Variants in CSMD2 observed in about 807,000 individuals in gnomAD.
CSMD2 encodes the protein CUB and Sushi multiple domains 2.
CSMD2 carries 130 observed loss-of-function variants against 398.5 expected under a neutral mutation model. That is an observed-to-expected ratio of 0.33 (90% CI 0.28 to 0.38). The LOEUF (loss-of-function observed/expected upper bound fraction) is 0.38. CSMD2 is among the 10% of genes least tolerant of loss of function. The pLI is 1.00. For missense variants in CSMD2, 3,829 were observed against 4,764.9 expected, an observed-to-expected ratio of 0.80 and a Z score of 5.78; for synonymous variants, 1,828 against 1,908.5, an observed-to-expected ratio of 0.96 and a Z score of 1.10.
At chr1:33,747,369 T>C (rs1647530755) in intron 13 of CSMD2, among the ~76,000 whole-genome samples, 1 of 152,242 alleles carries the variant, frequency 6.6e-6, no homozygotes, top group Admixed American at 6.5e-5. Flanking sequence ...AGAGTAAAGT[T>C]GGAGCAAGGA....
At chr1:33,838,473 C>T (rs1296928029) in intron 6 of CSMD2, 3 of 152,192 alleles carry the variant, frequency 2.0e-5, no homozygotes, top group African/African-American at 7.2e-5. Flanking sequence ...TCTGCCCCTC[C>T]CTTGTAGCTG....
At chr1:33,731,189 T>C (rs538359826) in intron 15 of CSMD2, among the ~76,000 whole-genome samples, 21 of 152,236 alleles carry the variant, frequency 1.4e-4, no homozygotes, top group Non-Finnish European at 2.6e-4. Context: ...AACTCATTAA[T>C]ACAAAAACCG....
intron 15 of CSMD2, among the ~76,000 whole-genome samples, 168 bp downstream of exon 15, chr1:33,738,972 T>C (rs563690483): frequency 2.6e-4 from 40 of 152,282 alleles, no homozygotes; most frequent in African/African-American, 9.4e-4. Context: ...CACAGTGGCC[T>C]TATGAAGCCC....
At chr1:33,775,179 A>G (rs1349878265) in intron 12 of CSMD2, among the ~76,000 whole-genome samples, 2 of 152,194 alleles carry the variant, frequency 1.3e-5, no homozygotes, top group South Asian at 2.1e-4. Flanking sequence ...CTAGAAAATT[A>G]CAATTAATGC....
At chr1:34,010,657 A>C (rs1007654519) in intron 3 of CSMD2, among the ~76,000 whole-genome samples, 4 of 150,412 alleles carry the variant, frequency 2.7e-5, no homozygotes, top group Admixed American at 1.3e-4. Context: ...CTCGCTCTGT[A>C]ACCCAGGTTG....
intron 5 of CSMD2, among the ~76,000 whole-genome samples, chr1:33,875,032 G>C (rs1640741781): frequency 6.6e-6 from 1 of 152,150 alleles, no homozygotes. Context: ...CCAGGAAGTG[G>C]GAAAGGGCCG....
chr1:33,807,248 A>G (rs1656335409), intron 10 of CSMD2, among the ~76,000 whole-genome samples: 1 of 152,186 alleles, frequency 6.6e-6, no homozygotes, highest in Non-Finnish European at 1.5e-5. Context: ...TCTTTCAAGA[A>G]CAAGGGTAAG....
chr1:33,883,254 C>T lies in CSMD2; in HGVS notation c.920+34840G>A, dbSNP rs188336879. 2.0e-4 allele frequency among the ~76,000 whole-genome samples: 30 copies of T among 152,280 alleles called. No homozygotes were observed. The East Asian group carries it at 4.1e-3, about 21-fold the overall frequency. On this transcript the variant is annotated intron_variant, in intron 5 of 70. Coordinates refer to ENST00000373381, the MANE Select transcript of CSMD2 (RefSeq NM_001281956.2). ...ATATATTGGTATATGTCTTAGGCTG[C>T]GGAGTAAAAAAGACCTGGGCTTCCA... is the stretch of plus-strand genomic sequence containing the variant.
intron 56 of CSMD2, 31 bp downstream of exon 56, chr1:33,550,146 G>A (rs2148626973): frequency 6.3e-7 from 1 of 1,599,992 alleles, no homozygotes; most frequent in Non-Finnish European, 8.5e-7. Flanking sequence ...GCATTCCACT[G>A]GAGCTCTTTC....
intron 32 of CSMD2, among the ~76,000 whole-genome samples, chr1:33,630,748 AG>A (rs1446562049): frequency 1.3e-5 from 2 of 152,206 alleles, no homozygotes; most frequent in African/African-American, 4.8e-5. Flanking sequence ...TTAACACAAA[AG>A]TTTAATGCAA....
Position 33,537,710 on chromosome 1 carries a change from G to A in CSMD2, c.9632-101C>T. ...TTGTTCTTTGCACTGCTCCCTTCCT[G>A]GTTGAGCTTGAACTCTGGGAACCGG... On this transcript the variant is annotated intron_variant, in intron 60 of 70. Coordinates refer to ENST00000373381, the MANE Select transcript of CSMD2 (RefSeq NM_001281956.2). This position sits in a 1 kb window ranked among gnomAD's most constrained non-coding sequence, Gnocchi z 4.6. The A allele has an allele frequency of 1.6e-6, 2 of 1,285,970 alleles. No homozygotes were observed. Among genetic ancestry groups the A allele is most frequent in the Admixed American group, 5.6e-5 (2 of 36,022 alleles). The allele number at this position is 1,285,970 out of a possible 1,614,324, so 79.7% of individuals were successfully genotyped here.
chr1:34,120,061 C>T (rs1662012174), intron 1 of CSMD2, among the ~76,000 whole-genome samples: 1 of 152,230 alleles, frequency 6.6e-6, no homozygotes, highest in African/African-American at 2.4e-5. Flanking sequence ...GTATGTGGTA[C>T]ATACATACAA....
chr1:33,716,212 CAG>C, intron 20 of CSMD2, 72 bp downstream of exon 20: 1 of 1,284,318 alleles, frequency 7.8e-7, no homozygotes, highest in South Asian at 1.2e-5. Context: ...CTAGGAAAAC[CAG>C]AGACTGGTAG....
chr1:33,723,111 T>C (rs146887822), intron 19 of CSMD2, among the ~76,000 whole-genome samples: 2 of 152,382 alleles, frequency 1.3e-5, no homozygotes, highest in African/African-American at 2.4e-5. Flanking sequence ...GTCTTATTTG[T>C]ATGTCCACTC....
chr1:33,615,601 C>G (rs1641331941), intron 39 of CSMD2, among the ~76,000 whole-genome samples: 2 of 152,320 alleles, frequency 1.3e-5, no homozygotes, highest in East Asian at 3.9e-4. Flanking sequence ...CAGCACCCTT[C>G]TAATGGGGTT....
At chr1:33,804,868 T>C (rs1318680553) in intron 10 of CSMD2, 3 of 717,318 alleles carry the variant, frequency 4.2e-6, no homozygotes, top group Non-Finnish European at 7.8e-6. Context: ...CCCTCCTTGT[T>C]GCATTGTATG....
chr1:34,016,571 CAT>C (rs1252402227), intron 3 of CSMD2, among the ~76,000 whole-genome samples: 1 of 152,056 alleles, frequency 6.6e-6, no homozygotes, highest in African/African-American at 2.4e-5. Context: ...CCAGAAACAC[CAT>C]TTGACCCAGC....
rs192844667 is a variant in CSMD2 at position 33,761,456 on chromosome 1, A to G, written c.1846+11113T>C. ...TTAATCTGGTCAGCCAGACACAGGT[A>G]TTAGCTAGGAAAAAAGTATCTTGGC... On this transcript the variant is annotated intron_variant, in intron 13 of 70. Transcript: ENST00000373381. Among the ~76,000 whole-genome samples the G allele has an allele frequency of 8.4e-4, 128 of 152,326 alleles. No homozygotes were observed. In the East Asian group the frequency reaches 0.019, roughly 23 times the overall value.
chr1:33,834,214 C>T (rs2125045609), intron 6 of CSMD2, among the ~76,000 whole-genome samples: 1 of 98,764 alleles, frequency 1.0e-5, no homozygotes, highest in Admixed American at 1.1e-4. Flanking sequence ...GCCAAAAGAA[C>T]AAAGCTGGAG....
Sources: allele counts gnomAD v4.1 joint callset (sites outside exome capture counted in the v4.1 genomes callset), GRCh38; gene constraint gnomAD v4.1.1; non-coding constraint Gnocchi (gnomAD v3.1); transcripts MANE v1.5; gene names NCBI Gene and HGNC (gene_info 2026-07-23, HGNC 2026-07-21).